Variants in CFAP299 observed in about 807,000 individuals in gnomAD.
The protein encoded by CFAP299 is cilia- and flagella-associated protein 299.
A neutral mutation model predicts 27.0 loss-of-function variants in CFAP299; 21 were observed. That is an observed-to-expected ratio of 0.78 (90% CI 0.55 to 1.12). The LOEUF (loss-of-function observed/expected upper bound fraction) is 1.12. Ranked by LOEUF, CFAP299 falls within the 50% of genes most tolerant of loss-of-function variation. The pLI is 0.00. For synonymous variants in CFAP299, 104 were observed against 98.1 expected, an observed-to-expected ratio of 1.06 and a Z score of -0.36; for missense variants, 310 against 276.6, an observed-to-expected ratio of 1.12 and a Z score of -0.86.
the CFAP299 span, among the ~76,000 whole-genome samples, chr4:80,329,121 G>A: frequency 6.6e-6 from 1 of 151,060 alleles, no homozygotes; most frequent in Non-Finnish European, 1.5e-5. Context: ...TAGTGTTAGT[G>A]TATTTTATGT....
chr4:80,460,116 T>C (rs1260530382), intron 2 of CFAP299, among the ~76,000 whole-genome samples: 1 of 152,084 alleles, frequency 6.6e-6, no homozygotes, highest in Non-Finnish European at 1.5e-5. Flanking sequence ...GCAAAGGCAG[T>C]TTTGTTATGC....
In CFAP299 at chr4:80,799,671, A is replaced by ATATTTTATATAT. The variant is rs1491098227; in HGVS notation, c.334-70319_334-70318insTTTATATATTAT. On this transcript the variant is annotated intron_variant, in intron 3 of 5. Transcript: ENST00000358105. ...ATATTTTATATATTATATTTTATAA[A>ATATTTTATATAT]TATATATTTATAAATATATAATATA... Among the ~76,000 whole-genome samples, 3 of 9,428 alleles carry ATATTTTATATAT rather than the reference A, an allele frequency of 3.2e-4. 1 individual carries two copies. The highest frequency in any genetic ancestry group is 7.1e-4 in the Non-Finnish European group (3 of 4,246). 6.2% of individuals were successfully genotyped at this position (9,428 alleles called of 152,430 possible). A position where few individuals can be genotyped will look rare whatever the true frequency, so the allele number is the denominator to read the frequency against.
intron 3 of CFAP299, among the ~76,000 whole-genome samples, chr4:80,592,929 T>G (rs974843357): frequency 5.3e-5 from 8 of 152,210 alleles, no homozygotes; most frequent in Non-Finnish European, 1.2e-4. Flanking sequence ...TTACTTCTCT[T>G]TTTCTCCTTA....
intron 3 of CFAP299, among the ~76,000 whole-genome samples, chr4:80,852,913 G>A (rs1212627922): frequency 6.6e-6 from 1 of 152,182 alleles, no homozygotes; most frequent in Non-Finnish European, 1.5e-5. Flanking sequence ...CGGCCAGTAT[G>A]TACCAGGCAC....
intron 3 of CFAP299, among the ~76,000 whole-genome samples, chr4:80,845,852 G>T (rs1209905389): frequency 1.3e-5 from 2 of 151,720 alleles, no homozygotes; most frequent in Non-Finnish European, 2.9e-5. Context: ...TCAAATAAAG[G>T]ATTACTAATA....
intron 2 of CFAP299, among the ~76,000 whole-genome samples, chr4:80,536,047 T>C (rs1733725385): frequency 6.6e-6 from 1 of 152,166 alleles, no homozygotes; most frequent in African/African-American, 2.4e-5. Context: ...GGAGGTCACA[T>C]AATAGCTATC....
intron 3 of CFAP299, among the ~76,000 whole-genome samples, chr4:80,765,802 G>A (rs1205738857): frequency 6.6e-6 from 1 of 151,764 alleles, no homozygotes; most frequent in Non-Finnish European, 1.5e-5. Context: ...CAGTGCACAA[G>A]GTAAATAACA....
chr4:80,752,846 G>A (rs79396754), intron 3 of CFAP299, among the ~76,000 whole-genome samples: 1,732 of 151,260 alleles, frequency 0.011, 33 homozygotes, highest in African/African-American at 0.039. Flanking sequence ...ATGTCATTAC[G>A]TTAATGCCTA....
chr4:80,856,474 T>C (rs1731897364), intron 3 of CFAP299, among the ~76,000 whole-genome samples: 1 of 152,094 alleles, frequency 6.6e-6, no homozygotes, highest in Non-Finnish European at 1.5e-5. Flanking sequence ...ATGAAGTCCT[T>C]GCCCATGCCC....
chr4:80,833,366 C>A (rs1001099725), intron 3 of CFAP299, among the ~76,000 whole-genome samples: 1 of 152,012 alleles, frequency 6.6e-6, no homozygotes, highest in Non-Finnish European at 1.5e-5. Context: ...TCATATTCAT[C>A]TTTTCCTTTC....
At chr4:80,674,001 G>A (rs1444166946) in intron 3 of CFAP299, among the ~76,000 whole-genome samples, 1 of 151,954 alleles carries the variant, frequency 6.6e-6, no homozygotes, top group African/African-American at 2.4e-5. Context: ...TCTTTTAATT[G>A]GGGCATTTAG....
intron 3 of CFAP299, among the ~76,000 whole-genome samples, chr4:80,791,871 T>C (rs1435187020): frequency 6.6e-6 from 1 of 151,812 alleles, no homozygotes; most frequent in African/African-American, 2.4e-5. Flanking sequence ...TATATCTGTA[T>C]GTTTGAAATG....
chr4:80,452,285 G>A (rs868863707), intron 2 of CFAP299, among the ~76,000 whole-genome samples: 2 of 151,848 alleles, frequency 1.3e-5, no homozygotes, highest in East Asian at 1.9e-4. Context: ...ATTCTGTTAC[G>A]ACCAACAGGC....
At chr4:80,865,255 TC>T (rs1418365639) in intron 3 of CFAP299, among the ~76,000 whole-genome samples, 3 of 152,194 alleles carry the variant, frequency 2.0e-5, no homozygotes, top group Non-Finnish European at 4.4e-5. Flanking sequence ...TAACAAGTAT[TC>T]ATAGAAGAAA....
At chr4:80,886,651 T>C (rs1733986898) in intron 4 of CFAP299, among the ~76,000 whole-genome samples, 1 of 152,004 alleles carries the variant, frequency 6.6e-6, no homozygotes. Context: ...AATAAATAAT[T>C]AACTCATCAA....
chr4:80,510,349 G>T (rs1732235387), intron 2 of CFAP299, among the ~76,000 whole-genome samples: 1 of 152,090 alleles, frequency 6.6e-6, no homozygotes, highest in African/African-American at 2.4e-5. Context: ...GTGAGTGCTG[G>T]CTGCTCCTGT....
At chr4:80,428,349 C>T (rs138617405) in intron 2 of CFAP299, among the ~76,000 whole-genome samples, 9 of 152,246 alleles carry the variant, frequency 5.9e-5, no homozygotes, top group African/African-American at 2.2e-4. Flanking sequence ...TGGAAACAGG[C>T]AGGGAGTATT....
At chr4:80,603,403 T>A (rs1737468886) in intron 3 of CFAP299, among the ~76,000 whole-genome samples, 2 of 152,118 alleles carry the variant, frequency 1.3e-5, no homozygotes, top group African/African-American at 4.8e-5. Flanking sequence ...TACATACATA[T>A]ATGTACATAT....
chr4:80,375,560 C>T (rs1724363766), intron 2 of CFAP299, among the ~76,000 whole-genome samples: 1 of 152,218 alleles, frequency 6.6e-6, no homozygotes, highest in South Asian at 2.1e-4. Context: ...GGCTGATCCA[C>T]ATGCAGTCTG....
Sources: gnomAD v4.1 joint callset for allele counts (sites outside exome capture counted in the v4.1 genomes callset) on GRCh38, gnomAD v4.1.1 for gene constraint, MANE v1.5 for transcripts, NCBI Gene and HGNC (gene_info 2026-07-23, HGNC 2026-07-21) for gene names.